The following EHMT1 variants were observed in gnomAD, a reference collection of about 807,000 sequenced individuals.
EHMT1 encodes the protein histone-lysine N-methyltransferase EHMT1.
In EHMT1, 15 loss-of-function variants were observed where a neutral mutation model predicts 147.2. That is an observed-to-expected ratio of 0.10 (90% confidence interval 0.07 to 0.16). The LOEUF (loss-of-function observed/expected upper bound fraction) is 0.16, where lower values mean the gene tolerates loss of function less well. EHMT1 is among the 10% of genes least tolerant of loss of function. The pLI is 1.00. For missense variants in EHMT1, 1,587 were observed against 1,772.4 expected (o/e 0.90, Z 1.88); for synonymous variants, 795 against 709.6 (o/e 1.12, Z -1.91).
intron 10 of EHMT1, among the ~76,000 whole-genome samples, chr9:137,770,447 T>A (rs1029432231): frequency 3.3e-5 from 5 of 152,238 alleles, no homozygotes; most frequent in Admixed American, 1.3e-4. Flanking sequence ...TCTGTTGATG[T>A]TTCTCTCTCT....
chr9:137,758,509 G>A (rs1367579550), intron 9 of EHMT1, among the ~76,000 whole-genome samples: 1 of 152,346 alleles, frequency 6.6e-6, no homozygotes. Context: ...GGGAGTTGTT[G>A]TGCCAGAAGT....
chr9:137,767,343 G>A (rs759639885), intron 10 of EHMT1, among the ~76,000 whole-genome samples: 2 of 152,246 alleles, frequency 1.3e-5, no homozygotes, highest in Non-Finnish European at 2.9e-5. Context: ...ACGATGGACT[G>A]TAGCTGTGAA....
In EHMT1 at chr9:137,775,323, G is replaced by A. The variant is rs932707204; in HGVS notation, c.1791+71G>A. On this transcript the variant is annotated intron_variant, in intron 11 of 26. Transcript: ENST00000460843. The surrounding 1 kb of genome is among the most constrained non-coding windows in gnomAD (Gnocchi z 6.1). ...TGTCTGCTCACTGGTGCTGGTTCCT[G>A]TCCTGTGTCCACCTGCTGTCGGGTG... 1.3e-6 allele frequency: 2 copies of A among 1,580,552 alleles called. No homozygotes were observed. Among genetic ancestry groups the A allele is most frequent in the African/African-American group, 2.7e-5 (2 of 74,478 alleles).
intron 4 of EHMT1, among the ~76,000 whole-genome samples, chr9:137,739,120 C>T (rs566132800): frequency 7.1e-4 from 106 of 149,636 alleles, no homozygotes; most frequent in African/African-American, 2.4e-3. Context: ...GCCTGTAATC[C>T]CAGCACTTTG....
At position 137,754,206 on chromosome 9, in the gene EHMT1, G is replaced by A; in HGVS notation, c.1284G>A (p.Lys428=). 1 of 1,614,124 alleles carries A rather than the reference G, an allele frequency of 6.2e-7. No individual in the cohort carries two copies. Among genetic ancestry groups the A allele is most frequent in the Non-Finnish European group, 8.5e-7 (1 of 1,180,012 alleles). Residue 428 remains lysine (K), a synonymous_variant, in exon 8 of 27, where the codon AAG becomes AAA. Coordinates refer to ENST00000460843, the MANE Select transcript of EHMT1 (RefSeq NM_024757.5). ...SESSIKKKFL[K]RKGKTDSPWI... is the part of the protein sequence containing the mutation. ...CCAGCATTAAGAAGAAATTTCTCAAGAGGAAAGGAAAGACCGACAGTCCCT... is the reference window on the plus strand; with the variant it reads ...CCAGCATTAAGAAGAAATTTCTCAAAAGGAAAGGAAAGACCGACAGTCCCT...
intron 22 of EHMT1, chr9:137,815,663 G>A (rs1461809211): frequency 1.3e-5 from 6 of 464,712 alleles, no homozygotes; most frequent in African/African-American, 1.2e-4. Context: ...AGAAGCCCAG[G>A]CTGGGGGCTG....
In EHMT1 at chr9:137,782,895, C is replaced by G. The variant is rs140627928; in HGVS notation, c.2382+498C>G. Among the ~76,000 whole-genome samples the G allele has an allele frequency of 6.6e-6, 1 of 151,962 alleles. No individual in the cohort carries two copies. Among genetic ancestry groups the G allele is most frequent in the Non-Finnish European group, 1.5e-5 (1 of 67,994 alleles). On this transcript the variant is annotated intron_variant, in intron 15 of 26. Coordinates refer to ENST00000460843, the MANE Select transcript of EHMT1 (RefSeq NM_024757.5). The surrounding 1 kb of genome is among the most constrained non-coding windows in gnomAD (Gnocchi z 5.7). Reference sequence around the variant, plus strand: ...GCTAATTTATTCTGAACCATCTGAACGCTGCCCGCTTGTCTCTGGGTTCAG... The same window carrying G: ...GCTAATTTATTCTGAACCATCTGAAGGCTGCCCGCTTGTCTCTGGGTTCAG...
chr9:137,829,543 C>T (rs1956052857), intron 25 of EHMT1, among the ~76,000 whole-genome samples: 1 of 152,224 alleles, frequency 6.6e-6, no homozygotes, highest in Admixed American at 6.5e-5. Flanking sequence ...AGATTGCCGT[C>T]ACGTGAGGTT....
intron 18 of EHMT1, among the ~76,000 whole-genome samples, chr9:137,810,202 G>T (rs939469304): frequency 8.2e-4 from 120 of 146,106 alleles, no homozygotes; most frequent in African/African-American, 2.9e-3. Context: ...CGTGTGGACC[G>T]TCGGTGATGG....
intron 1 of EHMT1, among the ~76,000 whole-genome samples, chr9:137,645,505 C>G (rs773858375): frequency 2.6e-5 from 4 of 152,180 alleles, no homozygotes; most frequent in Non-Finnish European, 4.4e-5. Flanking sequence ...CCCTTGTGTC[C>G]TAGTTTTGAG....
chr9:137,746,781 C>A (rs1948575857), intron 6 of EHMT1: 1 of 152,142 alleles, frequency 6.6e-6, no homozygotes, highest in Admixed American at 6.5e-5. Context: ...TTTACAACAC[C>A]ACGTTTATCA....
intron 10 of EHMT1, among the ~76,000 whole-genome samples, chr9:137,770,609 T>C (rs1950529722): frequency 6.6e-6 from 1 of 152,218 alleles, no homozygotes; most frequent in Non-Finnish European, 1.5e-5. Flanking sequence ...ATACCTCCCC[T>C]ATAGCTGTGA....
Position 137,743,434 on chromosome 9 carries a change from A to G in EHMT1, c.887A>G (p.Tyr296Cys), listed in dbSNP as rs1363997058. 1 of 1,612,976 alleles carries G rather than the reference A, an allele frequency of 6.2e-7. No individual in the cohort carries two copies. Among genetic ancestry groups the G allele is most frequent in the Non-Finnish European group, 8.5e-7 (1 of 1,179,906 alleles). The change falls in exon 5 of 27, where the codon TAT becomes TGT. Residue 296 changes from tyrosine (Y) to cysteine (C), a missense_variant. Physicochemically the swap from Tyr to Cys is radical, Grantham distance 194. Around this residue, in one of 7 missense-constraint regions of EHMT1, gnomAD observed 810 missense variants for 673.0 expected, o/e 1.20. Coordinates refer to ENST00000460843, the MANE Select transcript of EHMT1 (RefSeq NM_024757.5). ...SRKKKRRMGTYSLVPKKKTKV... is the reference protein window; with the variant it reads ...SRKKKRRMGTCSLVPKKKTKV... The stretch of plus-strand genomic sequence containing the variant: ...AAGAAAAAACGAAGAATGGGAACCT[A>G]TAGCCTGGTTCCTAAGAAAAAGACC...
chr9:137,813,630 G>A lies in EHMT1; in HGVS notation c.3180+100G>A. Reference sequence around the variant, plus strand: ...TGGGTTCTCACCACTCAGAGCAGGAGGGCTTATGGGGGGCTTCCCAGGAAG... The same window carrying A: ...TGGGTTCTCACCACTCAGAGCAGGAAGGCTTATGGGGGGCTTCCCAGGAAG... On this transcript the variant is annotated intron_variant, in intron 21 of 26. Coordinates refer to ENST00000460843, the MANE Select transcript of EHMT1 (RefSeq NM_024757.5). The surrounding 1 kb of genome is among the most constrained non-coding windows in gnomAD (Gnocchi z 4.9). 4.0e-6 allele frequency: 6 copies of A among 1,515,260 alleles called. No individual in the cohort carries two copies. The highest frequency in any genetic ancestry group is 4.5e-6 in the Non-Finnish European group (5 of 1,113,396). 93.9% of individuals were successfully genotyped at this position (1,515,260 alleles called of 1,614,324 possible).
rs1274135752 is a variant in EHMT1, at chr9:137,835,127, C to T, written c.*174C>T. Reference sequence around the variant, plus strand: ...CCCTGCGGGCGGGTGTGGATGCCTCCCAGCCACCTTCCCAGACCTGCGGCC... The same window carrying T: ...CCCTGCGGGCGGGTGTGGATGCCTCTCAGCCACCTTCCCAGACCTGCGGCC... On this transcript the variant is annotated 3_prime_UTR_variant, in exon 27 of 27. Transcript: ENST00000460843. 5 of 702,936 alleles carry T rather than the reference C, an allele frequency of 7.1e-6. No individual in the cohort carries two copies. The highest frequency in any genetic ancestry group is 1.0e-5 in the Non-Finnish European group (5 of 484,610). The allele number at this position is 702,936 out of a possible 1,614,324, so 43.5% of individuals were successfully genotyped here. A position where few individuals can be genotyped will look rare whatever the true frequency, so the allele number is the denominator to read the frequency against.
At position 137,782,392 on chromosome 9, in the gene EHMT1, G is replaced by C. The variant is rs764584215; in HGVS notation, c.2377G>C (p.Val793Leu). ...AGHVDICHML[V>L]QAGANIDTCS... ...ACACGTGGACATCTGCCACATGCTG[G>C]TTCAGGTGCGGCGGCACGGCGCCCT... is the stretch of plus-strand genomic sequence containing the variant. Residue 793 changes from valine to leucine, a missense_variant, in exon 15 of 27, where the codon GTT (valine) becomes CTT (leucine). By Grantham distance (32) the Val-to-Leu change is conservative. Transcript: ENST00000460843. The surrounding 1 kb of genome is among the most constrained non-coding windows in gnomAD (Gnocchi z 5.7). The C allele has an allele frequency of 1.4e-5, 23 of 1,608,936 alleles. No homozygotes were observed. Among genetic ancestry groups the C allele is most frequent in the Non-Finnish European group, 2.0e-5 (23 of 1,179,254 alleles).
At chr9:137,678,690 A>G (rs1283275245) in intron 1 of EHMT1, among the ~76,000 whole-genome samples, 1 of 151,556 alleles carries the variant, frequency 6.6e-6, no homozygotes, top group Admixed American at 6.6e-5. Flanking sequence ...AATCAGGCAC[A>G]GTAAAAGTTA....
At chr9:137,774,265 A>C (rs1022703889) in intron 10 of EHMT1, among the ~76,000 whole-genome samples, 2 of 152,374 alleles carry the variant, frequency 1.3e-5, no homozygotes, top group African/African-American at 4.8e-5. Context: ...AGAGTTGAGC[A>C]GCCGGCCCTC....
At chr9:137,804,965 ATG>A (rs1354541543) in intron 18 of EHMT1, among the ~76,000 whole-genome samples, 1 of 150,880 alleles carries the variant, frequency 6.6e-6, no homozygotes, top group African/African-American at 2.4e-5. Context: ...GAGTCCGTCC[ATG>A]TGTGTCAGTC....
Sources: gnomAD v4.1 joint callset for allele counts (sites outside exome capture counted in the v4.1 genomes callset) on GRCh38, gnomAD v4.1.1 for gene constraint, gnomAD v4.1.1 regional missense constraint, Gnocchi (gnomAD v3.1) non-coding constraint, MANE v1.5 for transcripts, NCBI Gene and HGNC (gene_info 2026-07-23, HGNC 2026-07-21) for gene names.